Variants in ZNF804A observed in about 807,000 individuals in gnomAD.
ZNF804A encodes zinc finger protein 804A.
In ZNF804A, 2 loss-of-function variants were observed where a neutral mutation model predicts 16.5. The ratio of observed to expected loss-of-function variants is 0.12; its 90% CI spans 0.05 to 0.38. The LOEUF is 0.38. Ranked by LOEUF, ZNF804A falls within the 10% of genes least tolerant of loss-of-function variation. ZNF804A has a pLI of 0.99. For synonymous variants in ZNF804A, 534 were observed against 489.6 expected (o/e 1.09, Z -1.20); for missense variants, 1,473 against 1,390.7 (o/e 1.06, Z -0.94).
intron 1 of ZNF804A, among the ~76,000 whole-genome samples, chr2:184,644,979 T>C (rs1418663729): frequency 6.6e-6 from 1 of 152,078 alleles, no homozygotes; most frequent in East Asian, 1.9e-4. Context: ...CATTTCCTTT[T>C]TTCATATATT....
intron 1 of ZNF804A, among the ~76,000 whole-genome samples, chr2:184,675,338 C>G (rs1475506578): frequency 1.3e-5 from 2 of 151,680 alleles, no homozygotes; most frequent in Non-Finnish European, 3.0e-5. Flanking sequence ...TGTCATATCT[C>G]CACAATATAA....
At chr2:184,676,296 T>TTC (rs1186280123) in intron 1 of ZNF804A, among the ~76,000 whole-genome samples, 1 of 53,730 alleles carries the variant, frequency 1.9e-5, no homozygotes, top group Non-Finnish European at 3.6e-5. Context: ...CTTGCTTCAC[T>TTC]TTTTTTTTTC....
intron 1 of ZNF804A, among the ~76,000 whole-genome samples, chr2:184,623,821 A>G (rs1691454438): frequency 2.0e-5 from 3 of 152,158 alleles, no homozygotes; most frequent in Admixed American, 2.0e-4. Context: ...TCACAGCAAA[A>G]CTATTAATGA....
At chr2:184,764,001 C>A (rs924058525) in intron 1 of ZNF804A, among the ~76,000 whole-genome samples, 1 of 151,910 alleles carries the variant, frequency 6.6e-6, no homozygotes, top group Non-Finnish European at 1.5e-5. Context: ...TCATGCCCAC[C>A]CCCATGAAAA....
intron 2 of ZNF804A, among the ~76,000 whole-genome samples, chr2:184,904,627 T>C (rs1269061320): frequency 2.0e-5 from 3 of 152,240 alleles, no homozygotes; most frequent in East Asian, 3.9e-4. Flanking sequence ...ACTGTATAAC[T>C]ACCTATAAAA....
intron 1 of ZNF804A, among the ~76,000 whole-genome samples, chr2:184,626,386 T>C (rs977582401): frequency 1.3e-5 from 2 of 152,210 alleles, no homozygotes. Flanking sequence ...TAAAAGAATT[T>C]ATGCTTTTGG....
chr2:184,690,210 A>G (rs1030199342), intron 1 of ZNF804A, among the ~76,000 whole-genome samples: 5 of 151,668 alleles, frequency 3.3e-5, no homozygotes, highest in Non-Finnish European at 5.9e-5. Context: ...AAAAAGTGAT[A>G]TAATAAAAAT....
intron 2 of ZNF804A, among the ~76,000 whole-genome samples, chr2:184,916,297 G>T (rs753750072): frequency 1.3e-5 from 2 of 151,962 alleles, no homozygotes; most frequent in African/African-American, 2.4e-5. Context: ...ATTTACTTGT[G>T]GTAGGGAAAA....
chr2:184,681,003 T>G (rs1372251582), intron 1 of ZNF804A, among the ~76,000 whole-genome samples: 1 of 152,232 alleles, frequency 6.6e-6, no homozygotes, highest in Non-Finnish European at 1.5e-5. Flanking sequence ...TGCTGGCACC[T>G]GGAGCTGACC....
intron 1 of ZNF804A, among the ~76,000 whole-genome samples, chr2:184,842,570 A>G (rs1318906678): frequency 1.3e-5 from 2 of 152,032 alleles, no homozygotes; most frequent in Non-Finnish European, 2.9e-5. Flanking sequence ...GAACTAGTAT[A>G]AAATTAATTT....
chr2:184,697,395 AT>A (rs911378125), intron 1 of ZNF804A, among the ~76,000 whole-genome samples: 3 of 152,114 alleles, frequency 2.0e-5, no homozygotes, highest in African/African-American at 7.2e-5. Flanking sequence ...ATCCAAATGA[AT>A]AGGTGAGTTT....
chr2:184,873,233 A>T (rs1696001233), intron 2 of ZNF804A, among the ~76,000 whole-genome samples: 1 of 152,218 alleles, frequency 6.6e-6, no homozygotes, highest in African/African-American at 2.4e-5. Context: ...CATGCCTGTA[A>T]TCCCAGCACT....
chr2:184,700,616 C>T (rs1692903927), intron 1 of ZNF804A, among the ~76,000 whole-genome samples: 2 of 151,984 alleles, frequency 1.3e-5, no homozygotes, highest in Admixed American at 6.6e-5. Context: ...GGAAGACAAC[C>T]TTGAATGACA....
intron 2 of ZNF804A, among the ~76,000 whole-genome samples, chr2:184,881,981 A>C (rs1449530062): frequency 1.3e-5 from 2 of 152,108 alleles, no homozygotes; most frequent in African/African-American, 4.8e-5. Flanking sequence ...GCCCCAATTA[A>C]AAGGCACAAA....
intron 1 of ZNF804A, among the ~76,000 whole-genome samples, chr2:184,640,977 T>G (rs942565506): frequency 6.6e-6 from 1 of 152,168 alleles, no homozygotes; most frequent in Admixed American, 6.6e-5. Context: ...TACCCTGATA[T>G]AGAGTCTTGC....
chr2:184,821,078 T>C (rs1162739530), intron 1 of ZNF804A, among the ~76,000 whole-genome samples: 1 of 152,114 alleles, frequency 6.6e-6, no homozygotes, highest in East Asian at 1.9e-4. Context: ...TTAAAATTCA[T>C]ATGGAACCAA....
intron 1 of ZNF804A, among the ~76,000 whole-genome samples, chr2:184,740,931 C>A (rs1693701316): frequency 6.6e-6 from 1 of 152,048 alleles, no homozygotes; most frequent in Non-Finnish European, 1.5e-5. Context: ...ATATTTAATT[C>A]AGGAGTGTAG....
At chr2:184,918,805 G>T (rs946602160) in intron 2 of ZNF804A, among the ~76,000 whole-genome samples, 8 of 152,118 alleles carry the variant, frequency 5.3e-5, no homozygotes, top group Non-Finnish European at 1.2e-4. Context: ...ACATCCACCA[G>T]TAGGGGAGGG....
chr2:184,766,871 G>A (rs1694137359), intron 1 of ZNF804A, among the ~76,000 whole-genome samples: 1 of 152,078 alleles, frequency 6.6e-6, no homozygotes, highest in Non-Finnish European at 1.5e-5. Flanking sequence ...AACCTCCAAT[G>A]GTACTGCCTT....
Sources: allele counts gnomAD v4.1 joint callset (sites outside exome capture counted in the v4.1 genomes callset), GRCh38; gene constraint gnomAD v4.1.1; transcripts MANE v1.5; gene names NCBI Gene and HGNC (gene_info 2026-07-23, HGNC 2026-07-21).